The following STAG2 variants were observed in gnomAD, a reference collection of about 807,000 sequenced individuals.
The protein encoded by STAG2 is cohesin subunit SA-2.
In STAG2, 14 loss-of-function variants were observed where a neutral mutation model predicts 108.1. That is an observed-to-expected ratio of 0.13 (90% CI 0.09 to 0.20). STAG2 has a LOEUF of 0.20. Ranked by LOEUF, STAG2 falls within the 10% of genes least tolerant of loss-of-function variation. The probability of loss-of-function intolerance (pLI) is 1.00; values close to 1 mark genes in which losing one functional copy is unlikely to be tolerated. For missense variants in STAG2, 440 were observed against 940.9 expected (o/e 0.47, Z 6.96); for synonymous variants, 307 against 302.7 (o/e 1.01, Z -0.15).
chrX:124,007,519 G>A (rs918148152), intron 1 of STAG2, among the ~76,000 whole-genome samples: 3 of 111,089 alleles, frequency 2.7e-5, no homozygotes, highest in Non-Finnish European at 5.7e-5. Flanking sequence ...ACAAAATTCA[G>A]TTTCATTTGA....
intron 1 of STAG2, among the ~76,000 whole-genome samples, chrX:123,971,677 G>T (rs976271537): frequency 1.8e-5 from 2 of 111,128 alleles, no homozygotes; most frequent in Admixed American, 1.9e-4. Context: ...ACTTTCCTGA[G>T]GGCCACCTAA....
At chrX:124,034,179 CTCTA>C (rs1412288127) in intron 5 of STAG2, among the ~76,000 whole-genome samples, 2 of 111,169 alleles carry the variant, frequency 1.8e-5, no homozygotes, top group African/African-American at 6.5e-5. Flanking sequence ...AAGATTGTAC[CTCTA>C]TCTGTGCCAT....
At chrX:124,078,282 G>A (rs760611967) in intron 27 of STAG2, among the ~76,000 whole-genome samples, 3 of 111,911 alleles carry the variant, frequency 2.7e-5, no homozygotes, top group Non-Finnish European at 5.6e-5. Flanking sequence ...AGGCAATTTG[G>A]CAATTTATGT....
In STAG2 at chrX:124,100,644, A is replaced by G. The variant is rs759578565; in HGVS notation, c.*47A>G. The G allele has an allele frequency of 9.4e-7, 1 of 1,068,834 alleles. No homozygotes were observed. The highest frequency in any genetic ancestry group is 1.3e-6 in the Non-Finnish European group (1 of 771,538). The allele number at this position is 1,068,834 out of a possible 1,213,427, so 88.1% of individuals were successfully genotyped here. ...GTGGTGAAGTCATTTTCTAAGTGGA[A>G]GAGGAAATTTTAAAGTGTGGTAGAT... is the stretch of plus-strand genomic sequence containing the variant. On this transcript the variant is annotated 3_prime_UTR_variant, in exon 35 of 35. Transcript: ENST00000371145.
At chrX:124,012,700 G>A (rs928647792) in intron 1 of STAG2, among the ~76,000 whole-genome samples, 5 of 111,412 alleles carry the variant, frequency 4.5e-5, no homozygotes, top group Non-Finnish European at 7.5e-5. Flanking sequence ...TGAAAAAAGA[G>A]GCATTACATA....
intron 7 of STAG2, among the ~76,000 whole-genome samples, chrX:124,044,956 A>C (rs2057832883): frequency 9.0e-6 from 1 of 111,702 alleles, no homozygotes; most frequent in Admixed American, 9.6e-5. Context: ...AATTCAGAAT[A>C]TCTATCTTGA....
At chrX:124,069,464 A>G (rs897816625) in intron 24 of STAG2, among the ~76,000 whole-genome samples, 4 of 112,145 alleles carry the variant, frequency 3.6e-5, no homozygotes, top group African/African-American at 1.3e-4. Context: ...TATGTTAGGT[A>G]CTATTTATTT....
Position 124,083,516 on chromosome X carries a change from C to A in STAG2, c.3020C>A (p.Ser1007Tyr). ...LAFLDILSEF[S>Y]SKLLRQDKRT... The stretch of plus-strand genomic sequence containing the variant: ...TTTCTTGATATTCTGAGTGAATTTT[C>A]TTCTAAACTACTTCGACAAGACAAA... Residue 1007 changes from serine to tyrosine, a missense_variant, in exon 29 of 35, where the codon TCT becomes TAT. Ser to Tyr is a moderately radical substitution (Grantham distance 144). This residue lies in a region of STAG2 where 337 missense variants were observed against 649.3 expected (regional missense o/e 0.52). Transcript: ENST00000371145. The A allele has an allele frequency of 8.4e-7, 1 of 1,195,677 alleles. No individual in the cohort carries two copies. The highest frequency in any genetic ancestry group is 1.1e-6 in the Non-Finnish European group (1 of 886,275).
intron 30 of STAG2, among the ~76,000 whole-genome samples, chrX:124,087,508 C>T (rs769165513): frequency 1.8e-5 from 2 of 111,805 alleles, no homozygotes; most frequent in South Asian, 7.5e-4. Flanking sequence ...GAGGCATCTT[C>T]ACTTACATAT....
At chrX:124,038,531 T>C (rs1173011107) in intron 6 of STAG2, among the ~76,000 whole-genome samples, 1 of 111,376 alleles carries the variant, frequency 9.0e-6, no homozygotes, top group Non-Finnish European at 1.9e-5. Flanking sequence ...TTTAAACAAA[T>C]GCAGAAACTG....
intron 10 of STAG2, 123 bp downstream of exon 10, chrX:124,049,201 A>G: frequency 3.8e-6 from 2 of 520,172 alleles, no homozygotes; most frequent in East Asian, 3.9e-5. Context: ...TCAATGTTAG[A>G]CTCCATTAGT....
At chrX:123,978,454 A>C (rs1279871897) in intron 1 of STAG2, among the ~76,000 whole-genome samples, 1 of 110,885 alleles carries the variant, frequency 9.0e-6, no homozygotes, top group African/African-American at 3.3e-5. Flanking sequence ...CATACTGCTG[A>C]TCAGTGGACA....
chrX:124,003,093 G>A (rs940256737), intron 1 of STAG2, among the ~76,000 whole-genome samples: 8 of 108,824 alleles, frequency 7.4e-5, no homozygotes, highest in Admixed American at 5.9e-4. Context: ...TCAGCCTCCC[G>A]AGTAGCTGGG....
intron 1 of STAG2, among the ~76,000 whole-genome samples, chrX:123,996,383 A>T (rs944232648): frequency 2.6e-4 from 29 of 112,257 alleles, no homozygotes; most frequent in Admixed American, 3.8e-4. Context: ...GACATAAATT[A>T]AAAAATTAAG....
chrX:124,034,281 C>T (rs563340031), intron 5 of STAG2, among the ~76,000 whole-genome samples: 4 of 111,930 alleles, frequency 3.6e-5, no homozygotes, highest in Middle Eastern at 4.6e-3. Flanking sequence ...ATCCTCCTGC[C>T]TCAGCCTCCC....
rs765917010 is a variant in STAG2 at position 123,976,101 on chromosome X, C to T, written c.-163+14245C>T. On this transcript the variant is annotated intron_variant, in intron 1 of 34. Transcript: ENST00000371145. ...CCGGCCTGGGCAACAGAGCGAGACC[C>T]TGTCTCTACCAAAAATTCAAAAATT... Among the ~76,000 whole-genome samples, 5 of 111,393 alleles carry T rather than the reference C, an allele frequency of 4.5e-5. No homozygotes were observed. The East Asian group carries it at 1.4e-3, about 31-fold the overall frequency.
chrX:124,066,724 G>A (rs1402870350), intron 23 of STAG2, among the ~76,000 whole-genome samples: 1 of 111,807 alleles, frequency 8.9e-6, no homozygotes. Context: ...ATAAGTATTA[G>A]ATTACATAAA....
chrX:124,079,953 G>A (rs1238943894), intron 27 of STAG2, among the ~76,000 whole-genome samples: 2 of 109,652 alleles, frequency 1.8e-5, no homozygotes, highest in East Asian at 5.7e-4. Flanking sequence ...TTTGGAGCAG[G>A]AGAGGTTCAT....
intron 29 of STAG2, among the ~76,000 whole-genome samples, chrX:124,084,606 C>T (rs2059053030): frequency 8.9e-6 from 1 of 111,818 alleles, no homozygotes; most frequent in Admixed American, 9.5e-5. Context: ...ACGTGAACCA[C>T]TGTGCCCTGC....
Sources: gnomAD v4.1 joint callset for allele counts (sites outside exome capture counted in the v4.1 genomes callset) on GRCh38, gnomAD v4.1.1 for gene constraint, gnomAD v4.1.1 regional missense constraint, MANE v1.5 for transcripts, NCBI Gene and HGNC (gene_info 2026-07-23, HGNC 2026-07-21) for gene names.